UCK2: variants seen among roughly 807,000 people sequenced by gnomAD.
The protein encoded by UCK2 is cytidine monophosphokinase 2.
Under a neutral mutation model 30.8 loss-of-function variants are expected in UCK2, and 6 were observed. The ratio of observed to expected loss-of-function variants is 0.19; its 90% confidence interval spans 0.11 to 0.38. The LOEUF (loss-of-function observed/expected upper bound fraction) is 0.38, where lower values mean the gene tolerates loss of function less well. UCK2 is among the 10% of genes least tolerant of loss of function. UCK2 has a pLI of 1.00. For synonymous variants in UCK2, 125 were observed against 133.6 expected (o/e 0.94, Z 0.45); for missense variants, 210 against 339.8 (o/e 0.62, Z 3.00).
intron 4 of UCK2, 193 bp from the exon 5 acceptor site, chr1:165,902,989 T>G: frequency 2.2e-6 from 1 of 445,338 alleles, no homozygotes; most frequent in East Asian, 3.5e-5. Context: ...TTGACCATTG[T>G]AAGATGTCAG....
At chr1:165,903,028 G>A in intron 4 of UCK2, 154 bp from the exon 5 acceptor site, 1 of 554,678 alleles carries the variant, frequency 1.8e-6, no homozygotes, top group Non-Finnish European at 3.2e-6. Context: ...CGAAGCCGCT[G>A]CTGATCTGCT....
chr1:165,902,206 AG>A (rs1217713875), intron 4 of UCK2, among the ~76,000 whole-genome samples: 2 of 152,140 alleles, frequency 1.3e-5, no homozygotes, highest in Non-Finnish European at 2.9e-5. Flanking sequence ...ACTGCACTCC[AG>A]CCTGGGTGAC....
At chr1:165,905,146 G>C (rs1203709159) in intron 5 of UCK2, among the ~76,000 whole-genome samples, 1 of 152,198 alleles carries the variant, frequency 6.6e-6, no homozygotes, top group Non-Finnish European at 1.5e-5. Flanking sequence ...CAAAGACCAT[G>C]TTCTCTGCAT....
chr1:165,849,412 C>T (rs1397464592), intron 1 of UCK2, among the ~76,000 whole-genome samples: 3 of 151,936 alleles, frequency 2.0e-5, no homozygotes, highest in Admixed American at 2.0e-4. Flanking sequence ...CTCGGGACCA[C>T]AGCAGATTTC....
At chr1:165,854,603 AAAT>A (rs1654681648) in intron 1 of UCK2, among the ~76,000 whole-genome samples, 1 of 35,374 alleles carries the variant, frequency 2.8e-5, no homozygotes, top group Non-Finnish European at 6.2e-5. Context: ...TTTTAAAAAT[AAAT>A]AAATAAATAA....
rs1342706915 is a variant in UCK2, at chr1:165,827,814, G to A, written c.-20G>A. 4 of 1,408,444 alleles carry A rather than the reference G, an allele frequency of 2.8e-6. No homozygotes were observed. Among genetic ancestry groups the A allele is most frequent in the Admixed American group, 5.3e-5 (2 of 37,648 alleles). The allele number at this position is 1,408,444 out of a possible 1,614,324, so 87.2% of individuals were successfully genotyped here. A position where few individuals can be genotyped will look rare whatever the true frequency, so the allele number is the denominator to read the frequency against. ...GTGCGTCCGTTCGCACAGGCAGCGG[G>A]AGGAGGGGCGGCGCGAACCATGGCC... On this transcript the variant is annotated 5_prime_UTR_variant, in exon 1 of 7. Transcript: ENST00000367879.
chr1:165,896,309 C>G lies in UCK2; in HGVS notation c.476C>G (p.Ala159Gly). 6.2e-7 allele frequency: 1 copy of G among 1,614,138 alleles called. No homozygotes were observed. Among genetic ancestry groups the G allele is most frequent in the Non-Finnish European group, 8.5e-7 (1 of 1,180,024 alleles). ...ATGAAGCTTTTTGTGGATACAGATG[C>G]GGACACCCGGCTCTCACGCAGAGGT... ...FQMKLFVDTD[A>G]DTRLSRRVLR... Residue 159 changes from alanine to glycine, a missense_variant, in exon 4 of 7, where the codon GCG becomes GGG. By Grantham distance (60) the Ala-to-Gly change is moderately conservative (BLOSUM62 0). Around this residue, in one of 4 missense-constraint regions of UCK2, gnomAD observed 47 missense variants for 128.7 expected, o/e 0.37. Coordinates refer to ENST00000367879, the MANE Select transcript of UCK2 (RefSeq NM_012474.5).
intron 1 of UCK2, among the ~76,000 whole-genome samples, chr1:165,836,689 C>A (rs1264259517): frequency 6.6e-6 from 1 of 152,034 alleles, no homozygotes; most frequent in Non-Finnish European, 1.5e-5. Context: ...GGGTGATGGG[C>A]CTTTATTTTG....
rs879329769 is a variant in UCK2, at chr1:165,848,681, CA to C, written c.99+20754del. Among the ~76,000 whole-genome samples, 109 of 151,902 alleles carry C rather than the reference CA, an allele frequency of 7.2e-4. No individual in the cohort carries two copies. The East Asian group carries it at 0.013, about 18-fold the overall frequency. On this transcript the variant is annotated intron_variant, in intron 1 of 6. Transcript: ENST00000367879. ...ACACCCACACACACACACACACCCC[CA>C]AAAACCCCCTGAGCTTTACATCCAT...
At chr1:165,869,255 CAT>C (rs1261124440) in intron 1 of UCK2, among the ~76,000 whole-genome samples, 2 of 152,234 alleles carry the variant, frequency 1.3e-5, no homozygotes, top group African/African-American at 2.4e-5. Flanking sequence ...GAATTACCAA[CAT>C]GTGACACAGA....
chr1:165,895,509 A>T (rs969324433), intron 3 of UCK2: 19 of 985,306 alleles, frequency 1.9e-5, no homozygotes, highest in Non-Finnish European at 2.3e-5. Flanking sequence ...GAGGTCATGC[A>T]TATTTCTGCT....
intron 1 of UCK2, among the ~76,000 whole-genome samples, chr1:165,869,843 G>A (rs1655151689): frequency 1.3e-5 from 2 of 151,630 alleles, no homozygotes; most frequent in African/African-American, 2.4e-5. Flanking sequence ...TTTTGTGGAC[G>A]TCTTGCAGTG....
rs1321820688 is a variant in UCK2 at position 165,909,200 on chromosome 1, C to T, written c.*1377C>T. The T allele has an allele frequency of 6.6e-6, 1 of 151,998 alleles. No homozygotes were observed. The highest frequency in any genetic ancestry group is 1.5e-5 in the Non-Finnish European group (1 of 68,030). The allele number at this position is 151,998 out of a possible 1,614,324, so 9.4% of individuals were successfully genotyped here. ...AGTGTTTTCTCTGGAAGTACAGATT[C>T]CTGACATTCTGGGTGGAGGGGAGCC... On this transcript the variant is annotated 3_prime_UTR_variant, in exon 7 of 7. Transcript: ENST00000367879.
intron 4 of UCK2, among the ~76,000 whole-genome samples, chr1:165,896,748 G>T (rs935796186): frequency 2.0e-5 from 3 of 152,220 alleles, no homozygotes; most frequent in Non-Finnish European, 2.9e-5. Context: ...GTACTGGGCA[G>T]CTCATCCTGT....
chr1:165,830,133 G>A (rs898347046), intron 1 of UCK2, among the ~76,000 whole-genome samples: 3 of 151,918 alleles, frequency 2.0e-5, no homozygotes, highest in African/African-American at 4.8e-5. Context: ...AGCCTCCAGA[G>A]TAGCTGAGAC....
chr1:165,840,314 A>AT (rs1478381161), intron 1 of UCK2, among the ~76,000 whole-genome samples: 1 of 152,252 alleles, frequency 6.6e-6, no homozygotes, highest in Non-Finnish European at 1.5e-5. Flanking sequence ...GTTTTAATGT[A>AT]TGTATACATT....
intron 1 of UCK2, among the ~76,000 whole-genome samples, chr1:165,856,374 TC>T (rs1455586996): frequency 6.6e-6 from 1 of 151,560 alleles, no homozygotes; most frequent in Non-Finnish European, 1.5e-5. Context: ...GCCTGTTGTA[TC>T]CCCAGCTCCT....
intron 1 of UCK2, among the ~76,000 whole-genome samples, chr1:165,851,588 G>A (rs551156653): frequency 2.3e-4 from 35 of 152,174 alleles, no homozygotes; most frequent in Non-Finnish European, 4.1e-4. Context: ...ACCGTTTCAG[G>A]GCTCAAGGCT....
chr1:165,890,417 A>C lies in UCK2; in HGVS notation c.259+54A>C, dbSNP rs1655737617. ...TCTGTATTGGTGTGTTGGGGGGAAT[A>C]GTTTTATTTTGCTCATGAGGAAGTT... On this transcript the variant is annotated intron_variant, in intron 2 of 6. Coordinates refer to ENST00000367879, the MANE Select transcript of UCK2 (RefSeq NM_012474.5). 3.2e-6 allele frequency: 5 copies of C among 1,574,236 alleles called. No individual in the cohort carries two copies. In the Admixed American group the frequency reaches 6.8e-5, roughly 21 times the overall value.
Sources: gnomAD v4.1 joint callset for allele counts (sites outside exome capture counted in the v4.1 genomes callset) on GRCh38, gnomAD v4.1.1 for gene constraint, gnomAD v4.1.1 regional missense constraint, MANE v1.5 for transcripts, NCBI Gene and HGNC (gene_info 2026-07-23, HGNC 2026-07-21) for gene names.